CC2D1A: variants seen among roughly 807,000 people sequenced by gnomAD.
CC2D1A encodes coiled-coil and C2 domain-containing protein 1A.
In CC2D1A, 68 loss-of-function variants were observed where a neutral mutation model predicts 123.8. The observed-to-expected ratio is 0.55, with a 90% CI of 0.45 to 0.67. The LOEUF is 0.67. CC2D1A is among the 30% of genes least tolerant of loss of function. The pLI is 0.00. For synonymous variants in CC2D1A, 477 were observed against 528.0 expected (o/e 0.90, Z 1.32); for missense variants, 1,185 against 1,290.3 (o/e 0.92, Z 1.25).
chr19:13,911,308 G>A (rs1373706323), intron 2 of CC2D1A, among the ~76,000 whole-genome samples: 4 of 152,148 alleles, frequency 2.6e-5, no homozygotes, highest in Non-Finnish European at 5.9e-5. Context: ...CATTAATTTA[G>A]TCTTCAAAGC....
intron 1 of CC2D1A, among the ~76,000 whole-genome samples, chr19:13,908,215 A>C (rs1488354638): frequency 2.0e-5 from 3 of 152,122 alleles, no homozygotes; most frequent in Non-Finnish European, 4.4e-5. Flanking sequence ...CCTGTTGGTC[A>C]GGCTGGTCTG....
At chr19:13,922,723 C>T (rs1031297862) in intron 14 of CC2D1A, among the ~76,000 whole-genome samples, 3 of 152,154 alleles carry the variant, frequency 2.0e-5, no homozygotes, top group Non-Finnish European at 2.9e-5. Context: ...CAGAGCCTAG[C>T]GCACAGTAGG....
Position 13,928,038 on chromosome 19 carries a change from C to A in CC2D1A, c.2454+8C>A, listed in dbSNP as rs200218466. On this transcript the variant is annotated splice_region_variant and intron_variant, in intron 23 of 28. Coordinates refer to ENST00000318003, the MANE Select transcript of CC2D1A (RefSeq NM_017721.5). The stretch of plus-strand genomic sequence containing the variant: ...CCGGCAGCTGTGCCCACAGTGAGAC[C>A]CCCCACCCCCACCCATCAGCAACCC... 4 of 1,610,896 alleles carry A rather than the reference C, an allele frequency of 2.5e-6. No individual in the cohort carries two copies. Among genetic ancestry groups the A allele is most frequent in the African/African-American group, 1.3e-5 (1 of 74,694 alleles).
chr19:13,919,857 C>A lies in CC2D1A; in HGVS notation c.1262C>A (p.Thr421Asn). 6.2e-7 allele frequency: 1 copy of A among 1,612,258 alleles called. No individual in the cohort carries two copies. The highest frequency in any genetic ancestry group is 8.5e-7 in the Non-Finnish European group (1 of 1,179,334). The change falls in exon 12 of 29, where the codon ACC becomes AAC. Residue 421 changes from threonine (T) to asparagine (N), a missense_variant. By Grantham distance (65) the Thr-to-Asn change is moderately conservative. Coordinates refer to ENST00000318003, the MANE Select transcript of CC2D1A (RefSeq NM_017721.5). ...PIQGLEATKP[T>N]QQSLVGVLET... ...CAGGGCCTGGAGGCCACCAAGCCCA[C>A]CCAGCAGAGTCTGGTGGGTGTCCTG... is the stretch of plus-strand genomic sequence containing the variant.
chr19:13,912,074 C>T (rs1004304538), intron 2 of CC2D1A, among the ~76,000 whole-genome samples: 7 of 151,908 alleles, frequency 4.6e-5, no homozygotes, highest in African/African-American at 7.3e-5. Flanking sequence ...TGGTCTTGAA[C>T]GCCTGACTTC....
Position 13,913,566 on chromosome 19 carries a change from G to A in CC2D1A, c.676G>A (p.Val226Ile), listed in dbSNP as rs765385345. The A allele has an allele frequency of 1.2e-6, 2 of 1,614,088 alleles. No individual in the cohort carries two copies. The highest frequency in any genetic ancestry group is 1.7e-5 in the Admixed American group (1 of 60,018). The change falls in exon 6 of 29, where the codon GTC becomes ATC. Residue 226 changes from valine (V) to isoleucine (I), a missense_variant. Physicochemically the swap from Val to Ile is conservative, Grantham distance 29. Transcript: ENST00000318003. ...AATCGCGTCAGCCCCAGAGCCCAGG[G>A]TCACCCTGGAGGGACCTTCTGCCAC... ...PRIASAPEPR[V>I]TLEGPSATAP... is the part of the protein sequence containing the mutation.
intron 6 of CC2D1A, 36 bp downstream of exon 6, chr19:13,913,674 C>A: frequency 1.3e-6 from 2 of 1,486,822 alleles, no homozygotes; most frequent in African/African-American, 1.4e-5. Context: ...ATATGGGATC[C>A]GAGTGGGCCA....
intron 17 of CC2D1A, 46 bp from the exon 18 acceptor site, chr19:13,926,471 C>T: frequency 6.3e-7 from 1 of 1,576,566 alleles, no homozygotes; most frequent in Non-Finnish European, 8.7e-7. Flanking sequence ...GACTGAGGTG[C>T]CTCTGTTTCC....
In CC2D1A at chr19:13,930,420, C is replaced by T; in HGVS notation, c.*25C>T. The T allele has an allele frequency of 6.3e-7, 1 of 1,591,234 alleles. No individual in the cohort carries two copies. Among genetic ancestry groups the T allele is most frequent in the Non-Finnish European group, 8.6e-7 (1 of 1,169,324 alleles). On this transcript the variant is annotated 3_prime_UTR_variant, in exon 29 of 29. Transcript: ENST00000318003. This position sits in a 1 kb window ranked among gnomAD's most constrained non-coding sequence, Gnocchi z 6.8. ...AGGAGCCCATGGGGCGGGCAGCCCC[C>T]AGAAAGCGGGCAGCAGGCCCCGATA...
chr19:13,909,399 CTT>C (rs1205301058), intron 1 of CC2D1A, among the ~76,000 whole-genome samples: 1 of 145,146 alleles, frequency 6.9e-6, no homozygotes. Context: ...AAACAAAAAA[CTT>C]TTTTTTTTTT....
rs1971672951 is a variant in CC2D1A at position 13,927,167 on chromosome 19, G to A, written c.2226-8G>A. 1 of 1,613,832 alleles carries A rather than the reference G, an allele frequency of 6.2e-7. No individual in the cohort carries two copies. The highest frequency in any genetic ancestry group is 8.5e-7 in the Non-Finnish European group (1 of 1,179,794). ...CATCCTGTCCCCACTATACACACAT[G>A]CACACAGGGGGCTGTTCAAGACTGA... is the stretch of plus-strand genomic sequence containing the variant. On this transcript the variant is annotated splice_region_variant and splice_polypyrimidine_tract_variant and intron_variant, in intron 21 of 28. Transcript: ENST00000318003.
intron 3 of CC2D1A, 45 bp downstream of exon 3, chr19:13,912,483 A>C: frequency 4.3e-6 from 7 of 1,614,066 alleles, no homozygotes; most frequent in Non-Finnish European, 5.1e-6. Context: ...GGTTGCCCCC[A>C]TCCAGCAGGC....
At chr19:13,929,170 AT>A (rs1971763514) in intron 24 of CC2D1A, among the ~76,000 whole-genome samples, 3 of 146,500 alleles carry the variant, frequency 2.0e-5, no homozygotes, top group Admixed American at 6.8e-5. Context: ...TGCCCAGCTA[AT>A]TTTTTTTCTA....
chr19:13,912,463 G>T (rs763719827), intron 3 of CC2D1A, 25 bp downstream of exon 3: 4 of 1,613,982 alleles, frequency 2.5e-6, no homozygotes, highest in Non-Finnish European at 3.4e-6. Flanking sequence ...CGGGGTGGGG[G>T]CTCTGATCCG....
Position 13,912,593 on chromosome 19 carries a change from G to A in CC2D1A, c.378G>A (p.Gln126=). 1 of 1,613,886 alleles carries A rather than the reference G, an allele frequency of 6.2e-7. No individual in the cohort carries two copies. The highest frequency in any genetic ancestry group is 8.5e-7 in the Non-Finnish European group (1 of 1,179,992). ...KASETPPPVA[Q]PKPEAPHPGL... ...CAGAGACCCCACCTCCTGTGGCCCAGGTACAGTTTGGATGACTCCACTCCC... is the reference window on the plus strand; with the variant it reads ...CAGAGACCCCACCTCCTGTGGCCCAAGTACAGTTTGGATGACTCCACTCCC... Residue 126 remains glutamine (Q), a splice_region_variant and synonymous_variant, in exon 4 of 29, where the codon CAG becomes CAA. Transcript: ENST00000318003.
chr19:13,925,935 T>A (rs12972789), intron 17 of CC2D1A, among the ~76,000 whole-genome samples: 7,633 of 69,480 alleles, frequency 0.11, 419 homozygotes, highest in Non-Finnish European at 0.12. Context: ...AAAAAAAAAA[T>A]ATATATATAT....
chr19:13,917,962 C>A, intron 6 of CC2D1A, 108 bp from the exon 7 acceptor site: 1 of 1,218,320 alleles, frequency 8.2e-7, no homozygotes, highest in Non-Finnish European at 1.1e-6. Context: ...CAGAGTGAGG[C>A]TCTGTCTGAA....
chr19:13,911,344 A>C (rs941702168), intron 2 of CC2D1A, among the ~76,000 whole-genome samples: 9 of 152,194 alleles, frequency 5.9e-5, no homozygotes, highest in African/African-American at 2.2e-4. Context: ...AACATAACTA[A>C]TAACAAGATA....
Position 13,913,639 on chromosome 19 carries a change from G to T in CC2D1A, c.748+1G>T, listed in dbSNP as rs876657679. 1 of 1,599,138 alleles carries T rather than the reference G, an allele frequency of 6.3e-7. No homozygotes were observed. Among genetic ancestry groups the T allele is most frequent in the Middle Eastern group, 1.7e-4 (1 of 5,868 alleles). ...TTGGCTAAGCCCCAGATGCCCCCAGGTAGGTGATGGGCAGGGCCGGGCTGA... is the reference window on the plus strand; with the variant it reads ...TTGGCTAAGCCCCAGATGCCCCCAGTTAGGTGATGGGCAGGGCCGGGCTGA... On this transcript the variant is annotated splice_donor_variant, in intron 6 of 28. Coordinates refer to ENST00000318003, the MANE Select transcript of CC2D1A (RefSeq NM_017721.5). LOFTEE classifies it high-confidence loss of function.
Sources: gnomAD v4.1 joint callset for allele counts (sites outside exome capture counted in the v4.1 genomes callset) on GRCh38, gnomAD v4.1.1 for gene constraint, Gnocchi (gnomAD v3.1) non-coding constraint, MANE v1.5 for transcripts, NCBI Gene and HGNC (gene_info 2026-07-23, HGNC 2026-07-21) for gene names.